Variants in AOX1 observed in about 807,000 individuals in gnomAD.
AOX1 encodes the protein aldehyde oxidase 1.
A neutral mutation model predicts 169.5 loss-of-function variants in AOX1; 153 were observed. The ratio of observed to expected loss-of-function variants is 0.90; its 90% CI spans 0.79 to 1.03. The LOEUF is 1.03. Among genes scored for constraint, AOX1 ranks in the 50% least tolerant of loss-of-function variants. The pLI is 0.00. For synonymous variants in AOX1, 562 were observed against 581.9 expected (o/e 0.97, Z 0.49); for missense variants, 1,656 against 1,663.9 (o/e 1.00, Z 0.08).
In AOX1 at chr2:200,662,934, G is replaced by A. The variant is rs769549935; in HGVS notation, c.3508G>A (p.Glu1170Lys). The A allele has an allele frequency of 1.3e-5, 21 of 1,614,098 alleles. No homozygotes were observed. Among genetic ancestry groups the A allele is most frequent in the Middle Eastern group, 1.7e-4 (1 of 6,054 alleles). The change falls in exon 31 of 35, where the codon GAG becomes AAG. Residue 1170 changes from glutamate to lysine, a missense_variant. Coordinates refer to ENST00000374700, the MANE Select transcript of AOX1 (RefSeq NM_001159.4). ...CTTTGTTTATGGAGCTGCCTGTTCC[G>A]AGGTTGAAATAGACTGCCTGACGGG... ...EYFVYGAACS[E>K]VEIDCLTGDH...
Position 200,654,179 on chromosome 2 carries a change from G to C in AOX1, c.3076-2663G>C, listed in dbSNP as rs371935903. On this transcript the variant is annotated intron_variant, in intron 26 of 34. Coordinates refer to ENST00000374700, the MANE Select transcript of AOX1 (RefSeq NM_001159.4). ...TTAGTAAGGAAGGCACTGCACTCCA[G>C]CCTGGGTGACAGAAGAGACCCTGTC... is the stretch of plus-strand genomic sequence containing the variant. 4.1e-3 allele frequency among the ~76,000 whole-genome samples: 531 copies of C among 130,896 alleles called. 3 individuals carry two copies. The highest frequency in any genetic ancestry group is 0.015 in the African/African-American group (505 of 34,792). The allele number at this position is 130,896 out of a possible 152,430, so 85.9% of individuals were successfully genotyped here. A position where few individuals can be genotyped will look rare whatever the true frequency, so the allele number is the denominator to read the frequency against.
At position 200,595,412 on chromosome 2, in the gene AOX1, T is replaced by C. The variant is rs769734317; in HGVS notation, c.200+44T>C. 29 of 1,454,920 alleles carry C rather than the reference T, an allele frequency of 2.0e-5. 1 individual carries two copies. Among genetic ancestry groups the C allele is most frequent in the Non-Finnish European group, 2.5e-5 (26 of 1,053,008 alleles). 90.1% of individuals were successfully genotyped at this position (1,454,920 alleles called of 1,614,324 possible). On this transcript the variant is annotated intron_variant, in intron 3 of 34. Transcript: ENST00000374700. Reference sequence around the variant, plus strand: ...CAGATATGGTTGAATTTTTATAATTTTGAACTTTGTTATATTCCTTCATTT... The same window carrying C: ...CAGATATGGTTGAATTTTTATAATTCTGAACTTTGTTATATTCCTTCATTT...
At chr2:200,594,141 G>C (rs1030833210) in intron 2 of AOX1, among the ~76,000 whole-genome samples, 26 of 152,174 alleles carry the variant, frequency 1.7e-4, no homozygotes, top group Non-Finnish European at 3.2e-4. Flanking sequence ...GGAGCCATTT[G>C]ATCACCGTGT....
chr2:200,660,107 A>G, intron 29 of AOX1, 38 bp downstream of exon 29: 2 of 1,541,372 alleles, frequency 1.3e-6, no homozygotes, highest in Non-Finnish European at 1.8e-6. Flanking sequence ...ATTTTAGAAG[A>G]AAAAGGAGTG....
intron 20 of AOX1, among the ~76,000 whole-genome samples, chr2:200,628,060 T>G (rs2035042185): frequency 6.6e-6 from 1 of 152,216 alleles, no homozygotes; most frequent in Admixed American, 6.5e-5. Flanking sequence ...AAATAGTTAA[T>G]TATAGCTTTC....
chr2:200,630,526 AGATG>A (rs757933506), intron 20 of AOX1, among the ~76,000 whole-genome samples: 7 of 138,576 alleles, frequency 5.1e-5, no homozygotes, highest in Non-Finnish European at 9.3e-5. Context: ...CAAAAAAAAA[AGATG>A]GATGGATGGA....
At chr2:200,677,042 A>G (rs1391511718) in exon 5 of AOX1, 6 of 396,068 alleles carry the variant, frequency 1.5e-5, no homozygotes, top group Non-Finnish European at 2.5e-5. Context: ...TACATTATTA[A>G]TAAATTCATA....
At chr2:200,609,264 T>G in intron 11 of AOX1, 57 bp from the exon 12 acceptor site, 1 of 1,599,266 alleles carries the variant, frequency 6.3e-7, no homozygotes. Context: ...TAATCCTTAT[T>G]TTAGCACTTG....
intron 33 of AOX1, among the ~76,000 whole-genome samples, 183 bp downstream of exon 33, chr2:200,668,986 A>T (rs1236588080): frequency 2.6e-5 from 4 of 152,188 alleles, no homozygotes; most frequent in Non-Finnish European, 5.9e-5. Context: ...AAATCTTAGA[A>T]CTTAACATCA....
At chr2:200,642,826 C>A in intron 25 of AOX1, 25 bp downstream of exon 25, 2 of 1,598,032 alleles carry the variant, frequency 1.3e-6, no homozygotes, top group South Asian at 1.1e-5. Context: ...GCTTCACAGA[C>A]AAAACATGTG....
At chr2:200,630,176 C>A (rs2035086829) in intron 20 of AOX1, among the ~76,000 whole-genome samples, 1 of 140,758 alleles carries the variant, frequency 7.1e-6, no homozygotes, top group Non-Finnish European at 1.5e-5. Flanking sequence ...GAGTTTGAGA[C>A]CAGCCCGGTC....
chr2:200,667,090 C>G (rs2035936232), intron 32 of AOX1, among the ~76,000 whole-genome samples: 1 of 152,202 alleles, frequency 6.6e-6, no homozygotes, highest in Non-Finnish European at 1.5e-5. Flanking sequence ...TGGGCTTCAG[C>G]TTCGAGGAGT....
chr2:200,626,379 A>T (rs2035006940), intron 19 of AOX1, among the ~76,000 whole-genome samples: 1 of 152,236 alleles, frequency 6.6e-6, no homozygotes, highest in Admixed American at 6.5e-5. Flanking sequence ...GGAAACAGAG[A>T]TAAGAGAATC....
chr2:200,590,464 T>A (rs2034145877), intron 1 of AOX1, among the ~76,000 whole-genome samples: 2 of 152,252 alleles, frequency 1.3e-5, no homozygotes, highest in African/African-American at 4.8e-5. Context: ...AGCCTCCCTC[T>A]GAGTCCTAAC....
downstream of AOX1, among the ~76,000 whole-genome samples, chr2:200,676,329 G>A (rs1270660829): frequency 1.9e-4 from 29 of 152,182 alleles, no homozygotes. Flanking sequence ...GCCGGGTGCA[G>A]TGACTCATGC....
chr2:200,657,891 T>C (rs1574958299), intron 27 of AOX1, among the ~76,000 whole-genome samples: 1 of 152,352 alleles, frequency 6.6e-6, no homozygotes, highest in East Asian at 1.9e-4. Flanking sequence ...CTTGTCTTTT[T>C]TGCTTTTGCA....
intron 26 of AOX1, among the ~76,000 whole-genome samples, chr2:200,653,419 G>A (rs2105760666): frequency 6.6e-6 from 1 of 152,320 alleles, no homozygotes; most frequent in Non-Finnish European, 1.5e-5. Flanking sequence ...AAGGACCTGG[G>A]CTGGGGAATT....
chr2:200,656,511 C>A (rs2287013), intron 26 of AOX1, among the ~76,000 whole-genome samples: 54,124 of 151,904 alleles, frequency 0.36, 10,144 homozygotes, highest in East Asian at 0.73. Flanking sequence ...TGCAGCAAAA[C>A]AATTTTAGTG....
intron 25 of AOX1, among the ~76,000 whole-genome samples, chr2:200,644,611 A>G (rs932191107): frequency 2.0e-4 from 30 of 151,990 alleles, no homozygotes; most frequent in Non-Finnish European, 4.3e-4. Flanking sequence ...TTTGATGGGG[A>G]TTGCACTGAA....
Sources: gnomAD v4.1 joint callset for allele counts (sites outside exome capture counted in the v4.1 genomes callset) on GRCh38, gnomAD v4.1.1 for gene constraint, MANE v1.5 for transcripts, NCBI Gene and HGNC (gene_info 2026-07-23, HGNC 2026-07-21) for gene names.